Variants in SNTG1 observed in about 807,000 individuals in gnomAD.
The protein encoded by SNTG1 is gamma-1-syntrophin.
In SNTG1, 39 loss-of-function variants were observed where a neutral mutation model predicts 74.7. The ratio of observed to expected loss-of-function variants is 0.52; its 90% confidence interval spans 0.40 to 0.68. The LOEUF is 0.68. Ranked by LOEUF, SNTG1 falls within the 30% of genes least tolerant of loss-of-function variation. The pLI, the probability that SNTG1 is intolerant of heterozygous loss-of-function variation, is 0.00. For synonymous variants in SNTG1, 254 were observed against 217.1 expected (o/e 1.17, Z -1.49); for missense variants, 685 against 609.5 (o/e 1.12, Z -1.30).
chr8:50,553,444 C>T (rs1429622292), intron 12 of SNTG1, among the ~76,000 whole-genome samples: 1 of 152,098 alleles, frequency 6.6e-6, no homozygotes, highest in Non-Finnish European at 1.5e-5. Flanking sequence ...CATATAATCC[C>T]TAAATATATT....
chr8:50,008,982 C>G (rs1815510222), intron 1 of SNTG1, among the ~76,000 whole-genome samples: 1 of 151,922 alleles, frequency 6.6e-6, no homozygotes, highest in Non-Finnish European at 1.5e-5. Flanking sequence ...TCTTCAATCC[C>G]ACAGTTTGCC....
At chr8:50,191,255 AT>A (rs1191823237) in intron 2 of SNTG1, among the ~76,000 whole-genome samples, 1 of 136,472 alleles carries the variant, frequency 7.3e-6, no homozygotes, top group East Asian at 2.0e-4. Context: ...CCATTTGGTA[AT>A]GGTAAGAAAA....
intron 2 of SNTG1, among the ~76,000 whole-genome samples, chr8:50,352,699 C>T (rs1478614757): frequency 2.0e-5 from 3 of 152,094 alleles, no homozygotes; most frequent in Non-Finnish European, 2.9e-5. Context: ...CCTTTCTGTT[C>T]TGGTAATTAT....
chr8:50,449,627 T>G, intron 5 of SNTG1, 41 bp from the exon 6 acceptor site: 1 of 1,496,006 alleles, frequency 6.7e-7, no homozygotes, highest in Admixed American at 2.0e-5. Flanking sequence ...GCAGCATTTT[T>G]TTTAGATTAA....
intron 13 of SNTG1, among the ~76,000 whole-genome samples, chr8:50,601,155 A>C (rs1261982919): frequency 1.5e-5 from 1 of 68,208 alleles, no homozygotes; most frequent in Non-Finnish European, 3.5e-5. Context: ...AGCGAGACAA[A>C]AAAAAAAAAA....
chr8:50,175,546 G>C (rs2082966877), intron 2 of SNTG1, among the ~76,000 whole-genome samples: 2 of 152,216 alleles, frequency 1.3e-5, no homozygotes, highest in South Asian at 4.1e-4. Flanking sequence ...CTGTGTAAGA[G>C]GGGGTCATTT....
chr8:49,920,476 A>G (rs548210946), intron 1 of SNTG1, among the ~76,000 whole-genome samples: 1 of 152,176 alleles, frequency 6.6e-6, no homozygotes, highest in Non-Finnish European at 1.5e-5. Flanking sequence ...TGGTTTAGGA[A>G]GAAAAACTGC....
At chr8:50,423,956 G>T (rs2093129365) in intron 4 of SNTG1, among the ~76,000 whole-genome samples, 1 of 152,160 alleles carries the variant, frequency 6.6e-6, no homozygotes, top group African/African-American at 2.4e-5. Flanking sequence ...TTCTTCTAAA[G>T]TCTTGGATAT....
At chr8:50,391,767 A>G (rs2092664827) in intron 2 of SNTG1, among the ~76,000 whole-genome samples, 1 of 152,126 alleles carries the variant, frequency 6.6e-6, no homozygotes, top group African/African-American at 2.4e-5. Context: ...TGGTCTATTC[A>G]GAGACTCAAC....
At chr8:50,633,631 G>T (rs1053924565) in intron 13 of SNTG1, among the ~76,000 whole-genome samples, 13 of 152,190 alleles carry the variant, frequency 8.5e-5, no homozygotes, top group African/African-American at 3.1e-4. Context: ...TATGAATGTT[G>T]AGGTGGGCTG....
chr8:49,993,375 T>TA (rs1813869695), intron 1 of SNTG1, among the ~76,000 whole-genome samples: 1 of 151,676 alleles, frequency 6.6e-6, no homozygotes, highest in South Asian at 2.1e-4. Flanking sequence ...TGAGGTTTTT[T>TA]TTTTGTCGTC....
At chr8:50,478,480 C>T (rs966023324) in intron 8 of SNTG1, among the ~76,000 whole-genome samples, 1 of 152,134 alleles carries the variant, frequency 6.6e-6, no homozygotes, top group African/African-American at 2.4e-5. Context: ...TATTATCAAT[C>T]GTTTCACTCT....
intron 9 of SNTG1, among the ~76,000 whole-genome samples, chr8:50,511,882 G>C (rs1247467383): frequency 2.0e-5 from 3 of 152,104 alleles, no homozygotes; most frequent in African/African-American, 7.2e-5. Context: ...TTGCCAGTCT[G>C]TGTCTTTTAA....
intron 18 of SNTG1, among the ~76,000 whole-genome samples, chr8:50,783,826 AT>A (rs2095667182): frequency 6.6e-6 from 1 of 152,098 alleles, no homozygotes; most frequent in African/African-American, 2.4e-5. Flanking sequence ...AGCTGTTCCT[AT>A]TTGGCCATCT....
rs568765124 is a variant in SNTG1, at chr8:50,736,846, T to C, written c.1285-15155T>C. On this transcript the variant is annotated intron_variant, in intron 17 of 18. Coordinates refer to ENST00000642720, the MANE Select transcript of SNTG1 (RefSeq NM_018967.5). ...CTACTGGGTAAATAAATGAAATAAA[T>C]AAGTTATTTGAATCCACTGAGAATA... 6.0e-5 allele frequency among the ~76,000 whole-genome samples: 9 copies of C among 149,772 alleles called. No homozygotes were observed. In the South Asian group the frequency reaches 1.9e-3, roughly 31 times the overall value.
intron 12 of SNTG1, among the ~76,000 whole-genome samples, chr8:50,569,793 T>A (rs1015056896): frequency 6.6e-6 from 1 of 152,128 alleles, no homozygotes; most frequent in African/African-American, 2.4e-5. Flanking sequence ...TTAGCATTAG[T>A]ATGTTGCTGT....
At chr8:50,130,314 A>G (rs1418057873) in intron 1 of SNTG1, among the ~76,000 whole-genome samples, 1 of 152,178 alleles carries the variant, frequency 6.6e-6, no homozygotes, top group Non-Finnish European at 1.5e-5. Flanking sequence ...GAATAGTGAG[A>G]GTGAGAGACA....
intron 1 of SNTG1, among the ~76,000 whole-genome samples, chr8:50,067,680 T>G (rs1821008858): frequency 6.6e-6 from 1 of 152,106 alleles, no homozygotes; most frequent in Non-Finnish European, 1.5e-5. Context: ...AACTTTCTCT[T>G]TTTGTTGGAG....
intron 2 of SNTG1, among the ~76,000 whole-genome samples, chr8:50,207,488 C>T (rs189167266): frequency 7.9e-5 from 12 of 151,938 alleles, no homozygotes; most frequent in Admixed American, 5.9e-4. Context: ...AGTGGTTTAT[C>T]GATGTTCTTG....
Sources: allele counts gnomAD v4.1 joint callset (sites outside exome capture counted in the v4.1 genomes callset), GRCh38; gene constraint gnomAD v4.1.1; transcripts MANE v1.5; gene names NCBI Gene and HGNC (gene_info 2026-07-23, HGNC 2026-07-21).